RBBP8: variants seen among roughly 807,000 people sequenced by gnomAD.
RBBP8 encodes RB binding protein 8, endonuclease.
In RBBP8, 88 loss-of-function variants were observed where a neutral mutation model predicts 108.3. The ratio of observed to expected loss-of-function variants is 0.81; its 90% confidence interval spans 0.68 to 0.97. The LOEUF is 0.97. Ranked by LOEUF, RBBP8 falls within the 50% of genes least tolerant of loss-of-function variation. The pLI is 0.00. For missense variants in RBBP8, 1,023 were observed against 1,049.0 expected, an observed-to-expected ratio of 0.98 and a Z score of 0.34; for synonymous variants, 332 against 348.2, an observed-to-expected ratio of 0.95 and a Z score of 0.52.
At chr18:22,937,146 C>A (rs573863934) in intron 2 of RBBP8, 186 bp downstream of exon 2, 280 of 1,260,118 alleles carry the variant, frequency 2.2e-4, no homozygotes, top group Middle Eastern at 8.8e-4. Context: ...GATTTCATCA[C>A]CCAGGTAGTG....
chr18:23,022,254 G>A lies in RBBP8; in HGVS notation c.2580G>A (p.Gln860=). ...NFWEVGFPST[Q]TCMERGYIKE... ...GGGAAGTTGGTTTTCCTTCCACTCA[G>A]ACTTGTATGGAAAGAGGTGAGAGTA... Residue 860 remains glutamine (Q), a synonymous_variant, in exon 18 of 19, where the codon CAG becomes CAA. Transcript: ENST00000327155. 6.2e-7 allele frequency: 1 copy of A among 1,610,778 alleles called. No homozygotes were observed. The highest frequency in any genetic ancestry group is 1.1e-5 in the South Asian group (1 of 90,972).
chr18:22,994,014 CTTTTTTTTTTTT>C (rs777055614), intron 12 of RBBP8, among the ~76,000 whole-genome samples, 167 bp downstream of exon 12: 3 of 75,104 alleles, frequency 4.0e-5, no homozygotes, highest in African/African-American at 1.7e-4. Flanking sequence ...TTTTTCTGTT[CTTTTTTTTTTTT>C]TTTTTTTTTT....
At chr18:22,979,355 AT>A (rs1409546439) in intron 6 of RBBP8, among the ~76,000 whole-genome samples, 1 of 152,096 alleles carries the variant, frequency 6.6e-6, no homozygotes, top group African/African-American at 2.4e-5. Flanking sequence ...ATTTTAAATA[AT>A]TAGACATTAG....
intron 5 of RBBP8, among the ~76,000 whole-genome samples, chr18:22,969,289 T>C (rs961666787): frequency 6.6e-6 from 1 of 152,120 alleles, no homozygotes; most frequent in Admixed American, 6.5e-5. Flanking sequence ...GTTCTACACT[T>C]GTTTTCTCTC....
chr18:22,974,571 C>T (rs1339394186), intron 5 of RBBP8, among the ~76,000 whole-genome samples: 1 of 152,132 alleles, frequency 6.6e-6, no homozygotes, highest in Non-Finnish European at 1.5e-5. Flanking sequence ...AAATGATTCT[C>T]CTGCCTCCAC....
At chr18:22,950,446 G>A (rs151257623) in intron 4 of RBBP8, among the ~76,000 whole-genome samples, 1 of 152,120 alleles carries the variant, frequency 6.6e-6, no homozygotes, top group East Asian at 1.9e-4. Context: ...AGCTGAGCAT[G>A]ATGGCCTGAA....
At chr18:23,008,527 T>C (rs981339218) in intron 16 of RBBP8, among the ~76,000 whole-genome samples, 1 of 152,172 alleles carries the variant, frequency 6.6e-6, no homozygotes. Flanking sequence ...TTGTAATCCA[T>C]TGCAGTCATT....
intron 8 of RBBP8, among the ~76,000 whole-genome samples, chr18:22,986,672 C>T (rs1311359820): frequency 6.6e-6 from 1 of 152,074 alleles, no homozygotes; most frequent in Non-Finnish European, 1.5e-5. Flanking sequence ...ATTGCTACAT[C>T]CTTAAAAAGG....
At chr18:22,940,524 G>A (rs985861845) in intron 2 of RBBP8, among the ~76,000 whole-genome samples, 5 of 151,878 alleles carry the variant, frequency 3.3e-5, no homozygotes, top group African/African-American at 1.2e-4. Flanking sequence ...GTTTCACTGT[G>A]TTAGCCAGGA....
intron 17 of RBBP8, among the ~76,000 whole-genome samples, chr18:23,020,119 T>A (rs897005730): frequency 2.6e-5 from 4 of 151,494 alleles, no homozygotes; most frequent in East Asian, 3.9e-4. Flanking sequence ...TTTTTTTTTT[T>A]ACTCTAAAAC....
intron 2 of RBBP8, chr18:22,916,791 G>A (rs1056339156): frequency 6.6e-6 from 1 of 151,878 alleles, no homozygotes; most frequent in Admixed American, 6.6e-5. Flanking sequence ...TGTGGATCCC[G>A]CTCTCATTTT....
At chr18:23,001,853 A>G in intron 15 of RBBP8, 124 bp downstream of exon 15, 9 of 1,336,064 alleles carry the variant, frequency 6.7e-6, no homozygotes, top group Non-Finnish European at 9.2e-6. Context: ...TCTTGTATAA[A>G]TTTTTTCAGG....
chr18:22,951,225 CT>C (rs1912008442), intron 4 of RBBP8, among the ~76,000 whole-genome samples: 1 of 152,156 alleles, frequency 6.6e-6, no homozygotes, highest in Non-Finnish European at 1.5e-5. Flanking sequence ...AGGGATGATA[CT>C]TTTCCTAGTA....
chr18:22,917,385 T>C (rs564547515), intron 3 of RBBP8, among the ~76,000 whole-genome samples: 1 of 152,350 alleles, frequency 6.6e-6, no homozygotes. Flanking sequence ...CCTTGGAAAT[T>C]ATTTAACTCT....
intron 2 of RBBP8, among the ~76,000 whole-genome samples, chr18:22,938,776 A>G (rs947774134): frequency 6.6e-6 from 1 of 152,238 alleles, no homozygotes; most frequent in Admixed American, 6.5e-5. Flanking sequence ...AATACTACAT[A>G]AAGTCATTTG....
chr18:22,947,937 T>C (rs1204223048), intron 3 of RBBP8, among the ~76,000 whole-genome samples: 1 of 152,140 alleles, frequency 6.6e-6, no homozygotes, highest in Non-Finnish European at 1.5e-5. Flanking sequence ...ATGCTCTGCG[T>C]TATTCTAAAT....
At chr18:22,926,906 T>C (rs530660602) in intron 3 of RBBP8, among the ~76,000 whole-genome samples, 8 of 152,352 alleles carry the variant, frequency 5.3e-5, no homozygotes, top group Non-Finnish European at 8.8e-5. Context: ...TATATTTTTA[T>C]ACAATTATAA....
intron 6 of RBBP8, among the ~76,000 whole-genome samples, chr18:22,978,933 G>T (rs1914691241): frequency 6.6e-6 from 1 of 152,140 alleles, no homozygotes; most frequent in African/African-American, 2.4e-5. Flanking sequence ...AAAACATTTT[G>T]TTGAACCCAG....
At chr18:22,942,751 A>G (rs1422832680) in intron 2 of RBBP8, among the ~76,000 whole-genome samples, 1 of 152,096 alleles carries the variant, frequency 6.6e-6, no homozygotes, top group African/African-American at 2.4e-5. Flanking sequence ...TTTGGGTACA[A>G]AATTTTATTG....
Sources: allele counts gnomAD v4.1 joint callset (sites outside exome capture counted in the v4.1 genomes callset), GRCh38; gene constraint gnomAD v4.1.1; transcripts MANE v1.5; gene names NCBI Gene and HGNC (gene_info 2026-07-23, HGNC 2026-07-21).